EPC1: variants seen among roughly 807,000 people sequenced by gnomAD.
The protein encoded by EPC1 is enhancer of polycomb 1.
In EPC1, 12 loss-of-function variants were observed where a neutral mutation model predicts 98.4. That is an observed-to-expected ratio of 0.12 (90% confidence interval 0.08 to 0.20). The LOEUF (loss-of-function observed/expected upper bound fraction) is 0.20. Ranked by LOEUF, EPC1 falls within the 10% of genes least tolerant of loss-of-function variation. The probability of loss-of-function intolerance (pLI) is 1.00; values close to 1 mark genes in which losing one functional copy is unlikely to be tolerated. For synonymous variants in EPC1, 357 were observed against 363.9 expected (o/e 0.98, Z 0.21); for missense variants, 729 against 990.5 (o/e 0.74, Z 3.54).
At chr10:32,352,024 T>A (rs1325461753), upstream of EPC1, among the ~76,000 whole-genome samples, 1 of 138,222 alleles carries the variant, frequency 7.2e-6, no homozygotes, top group Non-Finnish European at 1.6e-5. Context: ...GCATGAACCA[T>A]CGTGCCCAGC....
chr10:32,367,548 T>A (rs2505358), intron 1 of EPC1, among the ~76,000 whole-genome samples: 79,835 of 151,810 alleles, frequency 0.53, 23,216 homozygotes, highest in East Asian at 0.69. Flanking sequence ...AAATAACATG[T>A]ATATTAAACT....
At chr10:32,371,506 TGTAAA>T (rs549927366) in intron 1 of EPC1, among the ~76,000 whole-genome samples, 47 of 152,288 alleles carry the variant, frequency 3.1e-4, no homozygotes, top group Admixed American at 1.3e-3. Flanking sequence ...AAAAATCACT[TGTAAA>T]GTATGCGTGC....
chr10:32,279,914 T>C (rs932127036), intron 10 of EPC1, among the ~76,000 whole-genome samples: 3 of 152,254 alleles, frequency 2.0e-5, no homozygotes, highest in Non-Finnish European at 2.9e-5. Context: ...AAATTCCATA[T>C]ACACATACGG....
intron 1 of EPC1, among the ~76,000 whole-genome samples, chr10:32,331,510 C>T (rs759654587): frequency 7.2e-6 from 1 of 139,698 alleles, no homozygotes; most frequent in Non-Finnish European, 1.5e-5. Flanking sequence ...TATCATCTAT[C>T]GTACTTACAT....
chr10:32,287,302 C>A, intron 6 of EPC1, 28 bp from the exon 7 acceptor site: 1 of 1,605,458 alleles, frequency 6.2e-7, no homozygotes, highest in South Asian at 1.1e-5. Flanking sequence ...ATTAATTATA[C>A]ACCAGAAACC....
At position 32,318,635 on chromosome 10, in the gene EPC1, G is replaced by A. The variant is rs181618229; in HGVS notation, c.154-12704C>T. 2.2e-4 allele frequency among the ~76,000 whole-genome samples: 34 copies of A among 152,214 alleles called. No individual in the cohort carries two copies. In the East Asian group the frequency reaches 5.4e-3, roughly 24 times the overall value. Reference sequence around the variant, plus strand: ...AAATCTGTTCCTCCTCCTGACCTACGTCAGCAAGTTTCACTGTCATCTATC... The same window carrying A: ...AAATCTGTTCCTCCTCCTGACCTACATCAGCAAGTTTCACTGTCATCTATC... On this transcript the variant is annotated intron_variant, in intron 1 of 13. Transcript: ENST00000319778.
At position 32,286,704 on chromosome 10, in the gene EPC1, G is replaced by A. The variant is rs766910228; in HGVS notation, c.1381C>T (p.Arg461Cys). ...CIGFARRRVG[R>C]GGRVLLDRAH... is the part of the protein sequence containing the mutation. ...ACAGAAATACCTTACCTTCCACCGC[G>A]CCCAACCCGTCTTCGTGCAAATCCA... Residue 461 changes from arginine to cysteine, a missense_variant, in exon 9 of 14, where the codon CGC (arginine) becomes TGC (cysteine). Coordinates refer to ENST00000319778, the MANE Select transcript of EPC1 (RefSeq NM_001272004.3). 3 of 1,613,844 alleles carry A rather than the reference G, an allele frequency of 1.9e-6. No homozygotes were observed. The highest frequency in any genetic ancestry group is 2.2e-5 in the East Asian group (1 of 44,898).
chr10:32,364,408 A>C (rs1320329040), intron 1 of EPC1, among the ~76,000 whole-genome samples: 1 of 152,118 alleles, frequency 6.6e-6, no homozygotes, highest in African/African-American at 2.4e-5. Flanking sequence ...TTATAATTAG[A>C]GTCATCAATG....
At chr10:32,278,161 C>A (rs1836197477) in intron 10 of EPC1, among the ~76,000 whole-genome samples, 1 of 151,592 alleles carries the variant, frequency 6.6e-6, no homozygotes, top group African/African-American at 2.4e-5. Context: ...CTGCCTCAGC[C>A]TCTCAAGTAG....
chr10:32,293,280 C>A, intron 3 of EPC1, 86 bp from the exon 4 acceptor site: 1 of 1,038,436 alleles, frequency 9.6e-7, no homozygotes, highest in Non-Finnish European at 1.4e-6. Context: ...GGACAATAAT[C>A]AATATTACAA....
At chr10:32,272,584 A>G (rs1488304981) in intron 11 of EPC1, among the ~76,000 whole-genome samples, 1 of 152,232 alleles carries the variant, frequency 6.6e-6, no homozygotes, top group Non-Finnish European at 1.5e-5. Flanking sequence ...ATATGTATAC[A>G]CACACAATGA....
At chr10:32,355,802 G>A (rs1053036326) in intron 1 of EPC1, among the ~76,000 whole-genome samples, 6 of 150,854 alleles carry the variant, frequency 4.0e-5, no homozygotes, top group Non-Finnish European at 8.9e-5. Flanking sequence ...GTAGAGACAA[G>A]GTTTCACCAT....
intron 13 of EPC1, 186 bp from the exon 14 acceptor site, chr10:32,269,321 A>C (rs1010381060): frequency 2.0e-6 from 1 of 511,560 alleles, no homozygotes; most frequent in African/African-American, 1.9e-5. Flanking sequence ...AATGTTGACT[A>C]TAAATAAATT....
chr10:32,324,934 A>AC (rs1837183430), intron 1 of EPC1, among the ~76,000 whole-genome samples: 1 of 152,184 alleles, frequency 6.6e-6, no homozygotes, highest in Non-Finnish European at 1.5e-5. Flanking sequence ...CAGGTAACTG[A>AC]CGTTGCAGTG....
chr10:32,333,755 CA>C (rs1490611400), intron 1 of EPC1, among the ~76,000 whole-genome samples: 5 of 87,150 alleles, frequency 5.7e-5, no homozygotes, highest in African/African-American at 1.7e-4. Flanking sequence ...CTCAGTCAGA[CA>C]ATAAGGCTTT....
chr10:32,275,427 T>C (rs1283092898), intron 10 of EPC1, among the ~76,000 whole-genome samples: 1 of 143,782 alleles, frequency 7.0e-6, no homozygotes, highest in African/African-American at 2.6e-5. Context: ...AGGTCAGGAG[T>C]TCGAGACCAG....
intron 2 of EPC1, among the ~76,000 whole-genome samples, chr10:32,302,899 T>C (rs1222543578): frequency 6.6e-6 from 1 of 152,106 alleles, no homozygotes; most frequent in South Asian, 2.1e-4. Context: ...CTGGTGATAA[T>C]ATAAAATGGT....
intron 1 of EPC1, among the ~76,000 whole-genome samples, chr10:32,367,581 A>AT: frequency 6.6e-6 from 1 of 152,224 alleles, no homozygotes; most frequent in Non-Finnish European, 1.5e-5. Flanking sequence ...TAAATGATAT[A>AT]TTTTTTCAAG....
At chr10:32,349,798 C>T (rs970790415), upstream of EPC1, among the ~76,000 whole-genome samples, 1 of 152,158 alleles carries the variant, frequency 6.6e-6, no homozygotes, top group African/African-American at 2.4e-5. Flanking sequence ...CAGGGCCTCC[C>T]TCTGTTGCCC....
Sources: gnomAD v4.1 joint callset for allele counts (sites outside exome capture counted in the v4.1 genomes callset) on GRCh38, gnomAD v4.1.1 for gene constraint, MANE v1.5 for transcripts, NCBI Gene and HGNC (gene_info 2026-07-23, HGNC 2026-07-21) for gene names.